Variants in STXBP5L observed in about 807,000 individuals in gnomAD.
The protein encoded by STXBP5L is syntaxin-binding protein 5-like.
In STXBP5L, 65 loss-of-function variants were observed where a neutral mutation model predicts 144.5. The observed-to-expected ratio is 0.45, with a 90% CI of 0.37 to 0.55. The LOEUF (loss-of-function observed/expected upper bound fraction) is 0.55, where lower values mean the gene tolerates loss of function less well. STXBP5L is among the 20% of genes least tolerant of loss of function. The probability of loss-of-function intolerance (pLI) is 0.00; values close to 1 mark genes in which losing one functional copy is unlikely to be tolerated. For synonymous variants in STXBP5L, 505 were observed against 469.6 expected (o/e 1.08, Z -0.97); for missense variants, 1,298 against 1,405.5 (o/e 0.92, Z 1.22).
At chr3:121,370,514 C>T (rs1368614723) in intron 20 of STXBP5L, among the ~76,000 whole-genome samples, 2 of 152,184 alleles carry the variant, frequency 1.3e-5, no homozygotes, top group Admixed American at 1.3e-4. Context: ...TAACTAAACA[C>T]CTTTTCTTGA....
chr3:121,122,381 T>C (rs1323238787), intron 7 of STXBP5L, among the ~76,000 whole-genome samples: 1 of 151,180 alleles, frequency 6.6e-6, no homozygotes, highest in Non-Finnish European at 1.5e-5. Flanking sequence ...ACAAGTACAA[T>C]GTAATTCCAA....
intron 3 of STXBP5L, among the ~76,000 whole-genome samples, chr3:120,983,844 A>G (rs569872110): frequency 6.6e-6 from 1 of 152,284 alleles, no homozygotes; most frequent in African/African-American, 2.4e-5. Context: ...GTTCTCTCTT[A>G]GACAATCCAT....
At chr3:120,966,309 G>A (rs572511557) in intron 3 of STXBP5L, among the ~76,000 whole-genome samples, 1 of 152,312 alleles carries the variant, frequency 6.6e-6, no homozygotes, top group East Asian at 1.9e-4. Flanking sequence ...TCTCCGTCCA[G>A]CTTTGTTCCG....
At position 121,225,382 on chromosome 3, in the gene STXBP5L, T is replaced by A. The variant is rs72968014; in HGVS notation, c.1111+2225T>A. Among the ~76,000 whole-genome samples the A allele has an allele frequency of 2.5e-3, 381 of 152,120 alleles. 2 individuals are homozygous for A. Among genetic ancestry groups the A allele is most frequent in the African/African-American group, 8.6e-3 (358 of 41,520 alleles). ...TGAGGCCAACTCGAGAGATGAGAAT[T>A]AGGGTAAAAGCCATTTCTGAGGCCA... On this transcript the variant is annotated intron_variant, in intron 11 of 26. Coordinates refer to ENST00000471454, the MANE Select transcript of STXBP5L (RefSeq NM_001308330.2).
intron 9 of STXBP5L, among the ~76,000 whole-genome samples, chr3:121,184,790 A>G (rs888585921): frequency 1.3e-5 from 2 of 152,184 alleles, no homozygotes; most frequent in African/African-American, 4.8e-5. Context: ...GAAATGAAAG[A>G]AAAAATGTTA....
intron 2 of STXBP5L, among the ~76,000 whole-genome samples, chr3:120,948,173 A>G (rs903897668): frequency 1.3e-5 from 2 of 151,610 alleles, no homozygotes; most frequent in Admixed American, 6.6e-5. Context: ...TCTTGTTGAT[A>G]TGATTTACAG....
chr3:121,063,440 C>T lies in STXBP5L; in HGVS notation c.470+17905C>T, dbSNP rs143461447. 4.7e-3 allele frequency among the ~76,000 whole-genome samples: 709 copies of T among 152,308 alleles called. 5 individuals are homozygous for T. Among genetic ancestry groups the T allele is most frequent in the African/African-American group, 0.016 (670 of 41,582 alleles). On this transcript the variant is annotated intron_variant, in intron 5 of 26. Coordinates refer to ENST00000471454, the MANE Select transcript of STXBP5L (RefSeq NM_001308330.2). The stretch of plus-strand genomic sequence containing the variant: ...TGTATGAGGTATCTGTCAACCCCTG[C>T]TGGGAGGTGTCTCCCAGTCAGGAGT...
intron 3 of STXBP5L, among the ~76,000 whole-genome samples, chr3:121,015,471 C>T (rs753487824): frequency 1.3e-5 from 2 of 152,132 alleles, no homozygotes; most frequent in Non-Finnish European, 2.9e-5. Flanking sequence ...GCAGAAGCCA[C>T]TAAAGCCATA....
rs553529483 is a variant in STXBP5L, at chr3:121,283,130, A to G, written c.2110+3174A>G. ...TAAAAAGCAGGTTGTTTAACAATAT[A>G]TACAAAATGGCCTTATAGTTGTATA... On this transcript the variant is annotated intron_variant, in intron 19 of 26. Coordinates refer to ENST00000471454, the MANE Select transcript of STXBP5L (RefSeq NM_001308330.2). Among the ~76,000 whole-genome samples the G allele has an allele frequency of 2.3e-4, 35 of 152,156 alleles. No homozygotes were observed. The South Asian group carries it at 7.0e-3, about 31-fold the overall frequency.
At chr3:121,082,313 C>G (rs1001883644) in intron 5 of STXBP5L, among the ~76,000 whole-genome samples, 6 of 151,806 alleles carry the variant, frequency 4.0e-5, no homozygotes, top group East Asian at 1.9e-4. Flanking sequence ...TTTTGGCATA[C>G]AAATCATGTA....
intron 12 of STXBP5L, among the ~76,000 whole-genome samples, chr3:121,238,435 C>A (rs552115308): frequency 5.9e-5 from 9 of 152,252 alleles, no homozygotes; most frequent in African/African-American, 1.9e-4. Context: ...CATGAAGGAT[C>A]TGCCCCATAA....
intron 12 of STXBP5L, among the ~76,000 whole-genome samples, chr3:121,236,650 C>G (rs1470460890): frequency 6.6e-6 from 1 of 152,138 alleles, no homozygotes; most frequent in Non-Finnish European, 1.5e-5. Context: ...AAAGACATCC[C>G]GATCATAGCA....
At chr3:121,162,470 G>C (rs979136611) in intron 9 of STXBP5L, among the ~76,000 whole-genome samples, 1 of 152,070 alleles carries the variant, frequency 6.6e-6, no homozygotes, top group Non-Finnish European at 1.5e-5. Flanking sequence ...AAAAACCCTA[G>C]AAGAAAACCT....
chr3:121,227,159 AG>A (rs1190930690), intron 11 of STXBP5L, among the ~76,000 whole-genome samples: 2 of 152,218 alleles, frequency 1.3e-5, no homozygotes, highest in Non-Finnish European at 2.9e-5. Flanking sequence ...TGTTCAATAG[AG>A]GATACTTTAC....
chr3:121,031,111 T>C (rs1356204579), intron 3 of STXBP5L, among the ~76,000 whole-genome samples: 1 of 152,112 alleles, frequency 6.6e-6, no homozygotes, highest in Non-Finnish European at 1.5e-5. Flanking sequence ...AGCAAGCAGT[T>C]CGTGAAACAC....
At chr3:121,036,159 C>G (rs1315744107) in intron 3 of STXBP5L, among the ~76,000 whole-genome samples, 17 of 152,020 alleles carry the variant, frequency 1.1e-4, no homozygotes, top group Non-Finnish European at 1.5e-5. Context: ...ATGGTGAAAT[C>G]CCATCTCTAC....
intron 19 of STXBP5L, among the ~76,000 whole-genome samples, chr3:121,297,431 A>G (rs2051700402): frequency 6.6e-6 from 1 of 152,158 alleles, no homozygotes; most frequent in South Asian, 2.1e-4. Flanking sequence ...TTAGAAGCCA[A>G]GAACTTTAAA....
At chr3:121,218,208 TAC>T (rs2048855895) in intron 10 of STXBP5L, among the ~76,000 whole-genome samples, 1 of 143,002 alleles carries the variant, frequency 7.0e-6, no homozygotes, top group African/African-American at 2.6e-5. Context: ...TATTACTATA[TAC>T]TATACATAGT....
chr3:121,409,872 T>G (rs1032169003), intron 23 of STXBP5L, among the ~76,000 whole-genome samples: 2 of 151,830 alleles, frequency 1.3e-5, no homozygotes, highest in Non-Finnish European at 2.9e-5. Context: ...TGGTATTGAT[T>G]ATTCTTTCAG....
Sources: gnomAD v4.1 joint callset for allele counts (sites outside exome capture counted in the v4.1 genomes callset) on GRCh38, gnomAD v4.1.1 for gene constraint, MANE v1.5 for transcripts, NCBI Gene and HGNC (gene_info 2026-07-23, HGNC 2026-07-21) for gene names.